The following SH3BP5 variants were observed in gnomAD, a reference collection of about 807,000 sequenced individuals.
The protein encoded by SH3BP5 is SH3 domain-binding protein 5.
SH3BP5 carries 22 observed loss-of-function variants against 43.3 expected under a neutral mutation model. The observed-to-expected ratio is 0.51, with a 90% CI of 0.36 to 0.73. The LOEUF is 0.73. Ranked by LOEUF, SH3BP5 falls within the 30% of genes least tolerant of loss-of-function variation. SH3BP5 has a pLI of 0.00. For synonymous variants in SH3BP5, 255 were observed against 225.8 expected (o/e 1.13, Z -1.16); for missense variants, 529 against 586.9 (o/e 0.90, Z 1.02).
At position 15,318,248 on chromosome 3, in the gene SH3BP5, C is replaced by T. The variant is rs985849697; in HGVS notation, c.201+12256G>A. 2.6e-5 allele frequency among the ~76,000 whole-genome samples: 4 copies of T among 152,212 alleles called. No individual in the cohort carries two copies. The East Asian group carries it at 7.7e-4, about 29-fold the overall frequency. Reference sequence around the variant, plus strand: ...CATTATTTAATAACTGGCTAAGGGGCTGGAGGAGGAAAGGATCAACATTTG... The same window carrying T: ...CATTATTTAATAACTGGCTAAGGGGTTGGAGGAGGAAAGGATCAACATTTG... On this transcript the variant is annotated intron_variant, in intron 2 of 8. Transcript: ENST00000383791.
At position 15,258,935 on chromosome 3, in the gene SH3BP5, C is replaced by T. The variant is rs1192035569; in HGVS notation, c.785G>A (p.Arg262His). 25 of 1,614,102 alleles carry T rather than the reference C, an allele frequency of 1.5e-5. No homozygotes were observed. The highest frequency in any genetic ancestry group is 2.2e-5 in the East Asian group (1 of 44,896). The change falls in exon 7 of 9, where the codon CGC (arginine) becomes CAC (histidine). Residue 262 changes from arginine (R) to histidine (H), a missense_variant. Physicochemically the swap from Arg to His is conservative, Grantham distance 29. Around this residue, in one of 3 missense-constraint regions of SH3BP5, gnomAD observed 369 missense variants for 384.3 expected, o/e 0.96. Transcript: ENST00000383791. ...MISDEIHERRRSSAMGPRGCG... is the reference protein window; with the variant it reads ...MISDEIHERRHSSAMGPRGCG... ...TCCCCGAGGCCCCATGGCACTGGAGCGCCGCCGCTCGTGGATCTCATCTGA... is the reference window on the plus strand; with the variant it reads ...TCCCCGAGGCCCCATGGCACTGGAGTGCCGCCGCTCGTGGATCTCATCTGA...
chr3:15,262,386 G>T lies in SH3BP5; in HGVS notation c.496-97C>A, dbSNP rs143030886. 1.2e-3 allele frequency: 1,675 copies of T among 1,420,832 alleles called. 3 individuals carry two copies. Among genetic ancestry groups the T allele is most frequent in the Non-Finnish European group, 1.4e-3 (1,536 of 1,061,248 alleles). 88.0% of individuals were successfully genotyped at this position (1,420,832 alleles called of 1,614,324 possible). On this transcript the variant is annotated intron_variant, in intron 4 of 8. Coordinates refer to ENST00000383791, the MANE Select transcript of SH3BP5 (RefSeq NM_004844.5). ...TTTTCAAAAAATATTCTTTGCCCGG[G>T]CATGGTGACACATGTGTAATCCCAG...
intron 3 of SH3BP5, among the ~76,000 whole-genome samples, chr3:15,283,980 T>C (rs1697197792): frequency 6.6e-6 from 1 of 152,174 alleles, no homozygotes; most frequent in South Asian, 2.1e-4. Context: ...TGGTCCAAGG[T>C]CACAGGGCTA....
At chr3:15,323,274 T>C (rs1000807348) in intron 2 of SH3BP5, among the ~76,000 whole-genome samples, 1 of 152,176 alleles carries the variant, frequency 6.6e-6, no homozygotes, top group African/African-American at 2.4e-5. Flanking sequence ...AATCCTGGCC[T>C]GTATGAGCCC....
At chr3:15,319,407 G>C (rs1283027969) in intron 2 of SH3BP5, among the ~76,000 whole-genome samples, 1 of 152,212 alleles carries the variant, frequency 6.6e-6, no homozygotes, top group Non-Finnish European at 1.5e-5. Context: ...AGGGAGGAAA[G>C]GAAGAAAGTA....
intron 3 of SH3BP5, among the ~76,000 whole-genome samples, chr3:15,297,117 A>C (rs1418169353): frequency 1.3e-5 from 2 of 152,176 alleles, no homozygotes; most frequent in Non-Finnish European, 2.9e-5. Context: ...TGCTCGACCC[A>C]TTTCATTTCA....
intron 3 of SH3BP5, among the ~76,000 whole-genome samples, chr3:15,283,803 C>A (rs1371033141): frequency 6.6e-6 from 1 of 152,234 alleles, no homozygotes; most frequent in Non-Finnish European, 1.5e-5. Flanking sequence ...TCCCTCCCCA[C>A]AACTCCACCT....
intron 3 of SH3BP5, among the ~76,000 whole-genome samples, chr3:15,292,476 A>C (rs1337321550): frequency 6.6e-6 from 1 of 152,220 alleles, no homozygotes; most frequent in Non-Finnish European, 1.5e-5. Flanking sequence ...ACCTGCCTGC[A>C]ACCAGTCCCC....
chr3:15,294,435 C>T (rs1384612608), intron 3 of SH3BP5, among the ~76,000 whole-genome samples: 1 of 152,018 alleles, frequency 6.6e-6, no homozygotes, highest in Non-Finnish European at 1.5e-5. Context: ...TCCCTTCCAT[C>T]CTCCTTTCTT....
At chr3:15,294,056 C>T (rs146639113) in intron 3 of SH3BP5, among the ~76,000 whole-genome samples, 339 of 127,750 alleles carry the variant, frequency 2.7e-3, no homozygotes, top group African/African-American at 9.7e-3. Context: ...CCAGCCTGGG[C>T]GATAGAGCAA....
chr3:15,322,808 C>T (rs1435548402), intron 2 of SH3BP5, among the ~76,000 whole-genome samples: 1 of 152,040 alleles, frequency 6.6e-6, no homozygotes, highest in Non-Finnish European at 1.5e-5. Context: ...GCACCCTACC[C>T]TGGGCAACAG....
chr3:15,265,512 TCACACA>T (rs368955496), intron 4 of SH3BP5, among the ~76,000 whole-genome samples: 18,094 of 107,848 alleles, frequency 0.17, 1,539 homozygotes, highest in Middle Eastern at 0.26. Flanking sequence ...CGAGACTCCG[TCACACA>T]CACACACACA....
At chr3:15,327,461 C>T (rs1465606411) in intron 2 of SH3BP5, among the ~76,000 whole-genome samples, 1 of 152,198 alleles carries the variant, frequency 6.6e-6, no homozygotes, top group Non-Finnish European at 1.5e-5. Context: ...TTTCCTGCCC[C>T]CATCCTTGGG....
chr3:15,256,401 T>G (rs1575270656), intron 8 of SH3BP5, 98 bp from the exon 9 acceptor site: 5 of 1,331,422 alleles, frequency 3.8e-6, no homozygotes, highest in African/African-American at 1.4e-5. Flanking sequence ...TTGACAATTC[T>G]AAGTCACTTG....
intron 1 of SH3BP5, among the ~76,000 whole-genome samples, chr3:15,340,800 C>T (rs1698756389): frequency 6.6e-6 from 1 of 152,004 alleles, no homozygotes; most frequent in South Asian, 2.1e-4. Context: ...CACCTGTAAT[C>T]CTAGCACTTT....
intron 2 of SH3BP5, 169 bp from the exon 3 acceptor site, chr3:15,304,400 C>G: frequency 1.9e-6 from 2 of 1,036,450 alleles, no homozygotes; most frequent in Admixed American, 4.0e-5. Context: ...AAAACAGCTT[C>G]CTGCCACGGC....
intron 2 of SH3BP5, among the ~76,000 whole-genome samples, chr3:15,315,814 C>G (rs1269576068): frequency 6.6e-6 from 1 of 152,140 alleles, no homozygotes; most frequent in Non-Finnish European, 1.5e-5. Flanking sequence ...GCAAAAGGCT[C>G]TTTAACTTTT....
At chr3:15,259,888 C>G in intron 5 of SH3BP5, 85 bp from the exon 6 acceptor site, 1 of 1,227,896 alleles carries the variant, frequency 8.1e-7, no homozygotes, top group Non-Finnish European at 1.2e-6. Context: ...GAGGCATCAG[C>G]TACCACTGGC....
chr3:15,318,475 C>T (rs1698237495), intron 2 of SH3BP5, among the ~76,000 whole-genome samples: 1 of 148,876 alleles, frequency 6.7e-6, no homozygotes, highest in Admixed American at 6.7e-5. Flanking sequence ...CTCCAAAGCC[C>T]ACACTTTCCA....
Sources: gnomAD v4.1 joint callset for allele counts (sites outside exome capture counted in the v4.1 genomes callset) on GRCh38, gnomAD v4.1.1 for gene constraint, gnomAD v4.1.1 regional missense constraint, MANE v1.5 for transcripts, NCBI Gene and HGNC (gene_info 2026-07-23, HGNC 2026-07-21) for gene names.